PRP4K: variants seen among roughly 807,000 people sequenced by gnomAD.
PRP4K encodes the protein pre-mRNA processing factor kinase PRP4K, also known as serine/threonine-protein kinase PRP4 homolog.
At chr6:4,022,724 G>A in the PRP4K span, among the ~76,000 whole-genome samples, 4 of 152,194 alleles carry the variant, frequency 2.6e-5, no homozygotes, top group Non-Finnish European at 4.4e-5. Flanking sequence ...ACTTAGCAGA[G>A]AACAAATGGA....
the PRP4K span, chr6:4,031,767 A>G: frequency 6.2e-7 from 1 of 1,607,360 alleles, no homozygotes; most frequent in Admixed American, 1.7e-5. Context: ...AAAAGAGATT[A>G]TTGATGCTTC....
At chr6:4,045,279 C>G in the PRP4K span, among the ~76,000 whole-genome samples, 7 of 152,114 alleles carry the variant, frequency 4.6e-5, no homozygotes, top group African/African-American at 1.7e-4. Context: ...CGAACACTTA[C>G]AAATGTAAAA....
At chr6:4,029,709 A>G in the PRP4K span, among the ~76,000 whole-genome samples, 1 of 151,782 alleles carries the variant, frequency 6.6e-6, no homozygotes, top group African/African-American at 2.4e-5. Flanking sequence ...CTTTCCTCCT[A>G]ACATCCCTGC....
the PRP4K span, among the ~76,000 whole-genome samples, chr6:4,051,517 A>G: frequency 5.9e-5 from 9 of 151,994 alleles, no homozygotes; most frequent in African/African-American, 2.2e-4. Context: ...GGGTTTCGCT[A>G]TGTTGACCAG....
chr6:4,044,860 A>ATTTTT, the PRP4K span, among the ~76,000 whole-genome samples: 9 of 119,310 alleles, frequency 7.5e-5, no homozygotes, highest in African/African-American at 3.0e-4. Context: ...TATTATTATT[A>ATTTTT]TTATTTTTTT....
the PRP4K span, among the ~76,000 whole-genome samples, chr6:4,039,829 C>T: frequency 6.7e-6 from 1 of 149,326 alleles, no homozygotes; most frequent in Non-Finnish European, 1.5e-5. Flanking sequence ...TTTTCCTCCC[C>T]TCCCCACCCC....
chr6:4,026,252 C>T, the PRP4K span, among the ~76,000 whole-genome samples: 130 of 150,848 alleles, frequency 8.6e-4, no homozygotes, highest in Non-Finnish European at 1.6e-3. Flanking sequence ...GATCCACCCG[C>T]CTCAGCCTCC....
At chr6:4,055,754 T>C in the PRP4K span, among the ~76,000 whole-genome samples, 3 of 152,258 alleles carry the variant, frequency 2.0e-5, no homozygotes, top group Non-Finnish European at 4.4e-5. Flanking sequence ...TTGCCAGATA[T>C]ATTTAACATT....
At chr6:4,040,658 C>G in the PRP4K span, 3 of 1,171,308 alleles carry the variant, frequency 2.6e-6, no homozygotes, top group Non-Finnish European at 3.6e-6. Context: ...TTTAGGTTTA[C>G]AGCAAAATTG....
At chr6:4,037,017 T>C in the PRP4K span, among the ~76,000 whole-genome samples, 2 of 149,320 alleles carry the variant, frequency 1.3e-5, no homozygotes, top group East Asian at 3.9e-4. Context: ...AGATCCTTAA[T>C]TGGAGAAATG....
the PRP4K span, chr6:4,040,906 A>G: frequency 6.2e-7 from 1 of 1,613,568 alleles, no homozygotes; most frequent in Non-Finnish European, 8.5e-7. Flanking sequence ...AAAGTTGAGC[A>G]GGAATCTTCG....
At chr6:4,049,209 A>C in the PRP4K span, 1 of 1,051,470 alleles carries the variant, frequency 9.5e-7, no homozygotes, top group Middle Eastern at 2.6e-4. Flanking sequence ...GAAAAATCAC[A>C]TCACAGTGCC....
the PRP4K span, among the ~76,000 whole-genome samples, chr6:4,038,469 T>C: frequency 6.6e-6 from 1 of 151,700 alleles, no homozygotes; most frequent in Middle Eastern, 3.2e-3. Flanking sequence ...TTTGTATTTT[T>C]CTAAATAGAG....
At chr6:4,042,610 G>T in the PRP4K span, 1 of 1,522,440 alleles carries the variant, frequency 6.6e-7, no homozygotes, top group Non-Finnish European at 8.9e-7. Context: ...TGTAGTAAAA[G>T]ATTTTTTTGC....
chr6:4,021,894 A>G, the PRP4K span, among the ~76,000 whole-genome samples: 1 of 152,138 alleles, frequency 6.6e-6, no homozygotes, highest in African/African-American at 2.4e-5. Context: ...TTTCTTCCTC[A>G]TGCGGTACCC....
chr6:4,021,604 G>A, the PRP4K span: 4 of 1,188,950 alleles, frequency 3.4e-6, no homozygotes, highest in Admixed American at 8.5e-5. Flanking sequence ...TTGTGGGGTG[G>A]GAGGCATGGG....
chr6:4,059,472 G>T, the PRP4K span, among the ~76,000 whole-genome samples: 1 of 152,018 alleles, frequency 6.6e-6, no homozygotes, highest in Non-Finnish European at 1.5e-5. Flanking sequence ...CCTTATTTTT[G>T]TCCCATTATT....
the PRP4K span, chr6:4,032,136 A>G: frequency 1.9e-6 from 3 of 1,613,196 alleles, no homozygotes; most frequent in East Asian, 4.5e-5. Context: ...GGGTATTGAA[A>G]TCGTTAAAGA....
the PRP4K span, among the ~76,000 whole-genome samples, chr6:4,035,632 C>A: frequency 6.6e-6 from 1 of 152,122 alleles, no homozygotes; most frequent in South Asian, 2.1e-4. Context: ...TTCTGTATAC[C>A]GTGCTGAAAC....
Sources: allele counts gnomAD v4.1 joint callset (sites outside exome capture counted in the v4.1 genomes callset), GRCh38; gene constraint gnomAD v4.1.1; transcripts MANE v1.5; gene names NCBI Gene and HGNC (gene_info 2026-07-23, HGNC 2026-07-21).